Variants in MYO15B observed in about 807,000 individuals in gnomAD.
The protein encoded by MYO15B is myosin XVB, also known as myosin XVB pseudogene.
A neutral mutation model predicts 119.3 loss-of-function variants in MYO15B; 207 were observed. The observed-to-expected ratio is 1.73, with a 90% confidence interval of 1.55 to 1.95. The LOEUF (loss-of-function observed/expected upper bound fraction) is 1.95. MYO15B is among the 30% of genes most tolerant of loss of function. MYO15B has a pLI of 0.00. For synonymous variants in MYO15B, 966 were observed against 498.9 expected, an observed-to-expected ratio of 1.94 and a Z score of -12.48; for missense variants, 2,264 against 1,203.1, an observed-to-expected ratio of 1.88 and a Z score of -13.04.
At chr17:75,611,637 G>A (rs747661766) in exon 24 of MYO15B, 28 of 702,700 alleles carry the variant, frequency 4.0e-5, no homozygotes, top group South Asian at 3.0e-4. Context: ...TGAGCTGGCC[G>A]TCATGCTGAA....
In MYO15B at chr17:75,610,335, A is replaced by G; in HGVS notation, c.4386+76A>G. On this transcript the variant is annotated intron_variant, in intron 22 of 63. Transcript: ENST00000645453. ...CTGGCCGAGCTGGCCAAATCCCAGC[A>G]GCGTTGACCCTCTCAGCCCGGCCTC... 9 of 620,332 alleles carry G rather than the reference A, an allele frequency of 1.5e-5. No individual in the cohort carries two copies. In the South Asian group the frequency reaches 1.6e-4, roughly 11 times the overall value. The allele number at this position is 620,332 out of a possible 1,614,324, so 38.4% of individuals were successfully genotyped here.
chr17:75,620,146 C>T (rs2058622372), intron 47 of MYO15B, 100 bp from the exon 48 acceptor site: 13 of 690,198 alleles, frequency 1.9e-5, no homozygotes, highest in Non-Finnish European at 3.4e-5. Flanking sequence ...GTCTGGGGTG[C>T]TAGGTGGAGG....
chr17:75,621,607 C>T (rs1333843083), intron 52 of MYO15B, 37 bp downstream of exon 52: 4 of 694,824 alleles, frequency 5.8e-6, no homozygotes, highest in Admixed American at 4.0e-5. Context: ...CCCATGTCTG[C>T]AGTGCCATGA....
At chr17:75,624,257 G>A in exon 56 of MYO15B, 2 of 702,974 alleles carry the variant, frequency 2.8e-6, no homozygotes, top group Non-Finnish European at 5.2e-6. Context: ...CGGGTGAAAT[G>A]AAGGCTTTCC....
At chr17:75,588,749 G>A (rs887862274) in exon 1 of MYO15B, 2 of 398,850 alleles carry the variant, frequency 5.0e-6, no homozygotes, top group Admixed American at 4.4e-5. Context: ...GGGCCCCTGG[G>A]AGCCAGCGAG....
chr17:75,619,473 C>T, exon 45 of MYO15B: 1 of 702,318 alleles, frequency 1.4e-6, no homozygotes. Context: ...TCTTTCCTGT[C>T]TCGGTCAGTG....
rs938760463 is a variant in MYO15B, at chr17:75,591,426, T to TG, written c.2436-171dup. On this transcript the variant is annotated intron_variant, in intron 4 of 63. Coordinates refer to ENST00000645453, the Ensembl canonical transcript of MYO15B. ...CATGAGCCCCTGGAATGTGGCATCTTGGGGACTTTTTCTTTTCTGTCGGGT... is the reference window on the plus strand; with the variant it reads ...CATGAGCCCCTGGAATGTGGCATCTTGGGGGACTTTTTCTTTTCTGTCGGGT... 8 of 617,378 alleles carry TG rather than the reference T, an allele frequency of 1.3e-5. No homozygotes were observed. The African/African-American group carries it at 1.5e-4, about 11-fold the overall frequency. The allele number at this position is 617,378 out of a possible 1,614,324, so 38.2% of individuals were successfully genotyped here.
chr17:75,588,626 G>A (rs1209133916), exon 1 of MYO15B: 5 of 400,046 alleles, frequency 1.2e-5, no homozygotes, highest in Non-Finnish European at 8.9e-6. Flanking sequence ...ACGGACATGG[G>A]CTCGGAAGGG....
intron 19 of MYO15B, among the ~76,000 whole-genome samples, 198 bp from the exon 20 acceptor site, chr17:75,605,306 G>A (rs570860569): frequency 3.3e-5 from 5 of 152,098 alleles, no homozygotes; most frequent in African/African-American, 7.2e-5. Context: ...GTGCGGTGGC[G>A]GGCACCTGTA....
At chr17:75,615,379 A>G (rs2148022142) in intron 34 of MYO15B, 41 bp downstream of exon 34, 1 of 694,484 alleles carries the variant, frequency 1.4e-6, no homozygotes, top group East Asian at 2.7e-5. Context: ...TTCTCAGGAG[A>G]GCAGCCACCA....
At chr17:75,594,737 G>A (rs909298889) in exon 11 of MYO15B, 9 of 702,976 alleles carry the variant, frequency 1.3e-5, no homozygotes, top group African/African-American at 5.2e-5. Context: ...ATCCCTGCCC[G>A]TGGAAAGTGC....
intron 20 of MYO15B, 109 bp downstream of exon 20, chr17:75,605,730 G>C: frequency 1.5e-6 from 1 of 669,278 alleles, no homozygotes; most frequent in South Asian, 1.6e-5. Flanking sequence ...CCAAGTGGTG[G>C]GAGACAGAAG....
In MYO15B at chr17:75,589,231, G is replaced by C. The variant is rs1049276672; in HGVS notation, c.1174G>C (p.Glu392Gln). 5.0e-6 allele frequency: 2 copies of C among 401,326 alleles called. No individual in the cohort carries two copies. The highest frequency in any genetic ancestry group is 8.7e-6 in the Non-Finnish European group (2 of 228,732). 24.9% of individuals were successfully genotyped at this position (401,326 alleles called of 1,614,324 possible). A position where few individuals can be genotyped will look rare whatever the true frequency, so the allele number is the denominator to read the frequency against. ...GCTGCGGCTGCGGCGGCGGCCGCCA[G>C]AGGGCGAGGGGCAGGGTACCGGGCC... The change falls in exon 1 of 64, where the codon GAG (glutamate) becomes CAG (glutamine). Residue 392 changes from glutamate (E) to glutamine (Q), a missense_variant. By Grantham distance (29) the Glu-to-Gln change is conservative. Transcript: ENST00000645453. The surrounding 1 kb of genome is among the most constrained non-coding windows in gnomAD (Gnocchi z 4.2).
intron 53 of MYO15B, 38 bp downstream of exon 53, chr17:75,622,118 GTCC>G: frequency 1.4e-6 from 1 of 701,768 alleles, no homozygotes; most frequent in Non-Finnish European, 2.6e-6. Flanking sequence ...GCCTGTGCCT[GTCC>G]TCCTGTCTGG....
At position 75,618,882 on chromosome 17, in the gene MYO15B, TACC is replaced by T. The variant is rs2058536534; in HGVS notation, c.6988-258_6988-256del. On this transcript the variant is annotated intron_variant, in intron 43 of 63. Transcript: ENST00000645453. Reference sequence around the variant, plus strand: ...GTATCTGGGCTGATCCAAGGGCAGTTACCACGGGGTCTCTGGGCAGTGAGTGAA... The same window carrying T: ...GTATCTGGGCTGATCCAAGGGCAGTTACGGGGTCTCTGGGCAGTGAGTGAA... Among the ~76,000 whole-genome samples the T allele has an allele frequency of 2.0e-5, 3 of 152,324 alleles. No homozygotes were observed. In the South Asian group the frequency reaches 6.2e-4, roughly 32 times the overall value.
chr17:75,597,012 C>T (rs1196549474), intron 14 of MYO15B, 113 bp downstream of exon 14: 8 of 595,220 alleles, frequency 1.3e-5, no homozygotes, highest in Admixed American at 6.1e-5. Context: ...TGGGATCCAG[C>T]GACCCTGATC....
chr17:75,589,376 A>AG lies in MYO15B; in HGVS notation c.1322dup (p.Arg442SerfsTer34). On this transcript the variant is annotated frameshift_variant, in exon 1 of 64. Coordinates refer to ENST00000645453, the Ensembl canonical transcript of MYO15B. LOFTEE classifies it high-confidence loss of function. This position sits in a 1 kb window ranked among gnomAD's most constrained non-coding sequence, Gnocchi z 4.2. Reference sequence around the variant, plus strand: ...GGGCGGGGCCACGAGCGAGGGGACGAGGGTCGGGGCCGCGGGAAAGCGGAC... The same window carrying AG: ...GGGCGGGGCCACGAGCGAGGGGACGAGGGGTCGGGGCCGCGGGAAAGCGGAC... 2.9e-6 allele frequency: 1 copy of AG among 342,094 alleles called. No homozygotes were observed. 21.2% of individuals were successfully genotyped at this position (342,094 alleles called of 1,614,324 possible).
chr17:75,592,444 G>T (rs1442103453), exon 8 of MYO15B: 1 of 616,550 alleles, frequency 1.6e-6, no homozygotes, highest in African/African-American at 1.8e-5. Context: ...GCTGAGCGGA[G>T]CTTCCATGTT....
exon 61 of MYO15B, chr17:75,625,615 C>T (rs552590174): frequency 3.7e-5 from 26 of 703,006 alleles, no homozygotes; most frequent in Admixed American, 1.2e-4. Flanking sequence ...GGAGCTGAGA[C>T]GGCTGGAAGG....
Sources: allele counts gnomAD v4.1 joint callset (sites outside exome capture counted in the v4.1 genomes callset), GRCh38; gene constraint gnomAD v4.1.1; non-coding constraint Gnocchi (gnomAD v3.1); transcripts MANE v1.5; gene names NCBI Gene and HGNC (gene_info 2026-07-23, HGNC 2026-07-21).